The following SPIN1 variants were observed in gnomAD, a reference collection of about 807,000 sequenced individuals.
SPIN1 encodes spindlin-1.
In SPIN1, 3 loss-of-function variants were observed where a neutral mutation model predicts 26.0. The ratio of observed to expected loss-of-function variants is 0.12; its 90% CI spans 0.05 to 0.30. The LOEUF (loss-of-function observed/expected upper bound fraction) is 0.30. Among genes scored for constraint, SPIN1 ranks in the 10% least tolerant of loss-of-function variants. The probability of loss-of-function intolerance (pLI) is 1.00; values close to 1 mark genes in which losing one functional copy is unlikely to be tolerated. For missense variants in SPIN1, 126 were observed against 333.4 expected, an observed-to-expected ratio of 0.38 and a Z score of 4.84; for synonymous variants, 101 against 116.5, an observed-to-expected ratio of 0.87 and a Z score of 0.86.
At chr9:88,442,632 A>C (rs937418081) in intron 2 of SPIN1, among the ~76,000 whole-genome samples, 3 of 151,508 alleles carry the variant, frequency 2.0e-5, no homozygotes, top group African/African-American at 4.8e-5. Context: ...TGATCCACCC[A>C]CCTCGGCCTC....
At chr9:88,423,856 C>T (rs749210933) in intron 1 of SPIN1, among the ~76,000 whole-genome samples, 5 of 151,974 alleles carry the variant, frequency 3.3e-5, no homozygotes, top group Non-Finnish European at 7.4e-5. Flanking sequence ...ACCTCTGCCT[C>T]CTGGGTTCAA....
At position 88,475,349 on chromosome 9, in the gene SPIN1, C is replaced by A; in HGVS notation, c.*72C>A. Reference sequence around the variant, plus strand: ...ATTTGTAGACATAAAGACTTGATTGCTTTCCAGTTTAATGAAAGCTTAAAT... The same window carrying A: ...ATTTGTAGACATAAAGACTTGATTGATTTCCAGTTTAATGAAAGCTTAAAT... On this transcript the variant is annotated 3_prime_UTR_variant, in exon 6 of 6. Coordinates refer to ENST00000375859, the MANE Select transcript of SPIN1 (RefSeq NM_006717.3). 6.7e-7 allele frequency: 1 copy of A among 1,487,962 alleles called. No homozygotes were observed. The highest frequency in any genetic ancestry group is 9.2e-7 in the Non-Finnish European group (1 of 1,086,366). The allele number at this position is 1,487,962 out of a possible 1,614,324, so 92.2% of individuals were successfully genotyped here. A position where few individuals can be genotyped will look rare whatever the true frequency, so the allele number is the denominator to read the frequency against.
rs1828715766 is a variant in SPIN1 at position 88,468,490 on chromosome 9, T to G, written c.474T>G (p.Arg158=). 1.2e-6 allele frequency: 2 copies of G among 1,613,780 alleles called. No individual in the cohort carries two copies. Among genetic ancestry groups the G allele is most frequent in the Non-Finnish European group, 1.7e-6 (2 of 1,179,914 alleles). The part of the protein sequence containing the change: ...KDEWRGMVLA[R]APVMNTWFYI... The stretch of plus-strand genomic sequence containing the variant: ...AGTGGAGGGGAATGGTCTTAGCACG[T>G]GCACCTGTCATGAACACATGGTTTT... The change falls in exon 5 of 6, where the codon CGT becomes CGG. Residue 158 remains arginine, a synonymous_variant. Transcript: ENST00000375859.
At chr9:88,436,628 T>G (rs1828003156) in intron 2 of SPIN1, among the ~76,000 whole-genome samples, 1 of 152,202 alleles carries the variant, frequency 6.6e-6, no homozygotes. Flanking sequence ...GTGCTGATTT[T>G]TTATTGTCTC....
intron 3 of SPIN1, among the ~76,000 whole-genome samples, chr9:88,456,271 T>G (rs1012712569): frequency 3.3e-5 from 5 of 152,150 alleles, no homozygotes; most frequent in African/African-American, 1.2e-4. Context: ...ATTATCAAAA[T>G]TCTAAGTTTT....
chr9:88,407,947 C>T (rs1322673839), intron 1 of SPIN1, among the ~76,000 whole-genome samples: 1 of 151,568 alleles, frequency 6.6e-6, no homozygotes, highest in Non-Finnish European at 1.5e-5. Flanking sequence ...GGTTTTTGTA[C>T]AGACAGATAG....
At chr9:88,394,222 C>CA (rs1397557133) in intron 1 of SPIN1, among the ~76,000 whole-genome samples, 1 of 152,204 alleles carries the variant, frequency 6.6e-6, no homozygotes, top group Non-Finnish European at 1.5e-5. Context: ...GAGGTCCTTT[C>CA]AACCTGGTTC....
intron 1 of SPIN1, among the ~76,000 whole-genome samples, chr9:88,412,190 A>G (rs1001902441): frequency 2.6e-5 from 4 of 152,030 alleles, no homozygotes; most frequent in Admixed American, 6.6e-5. Flanking sequence ...AAAAAAAACA[A>G]AAACCTTTTG....
At position 88,444,327 on chromosome 9, in the gene SPIN1, G is replaced by A. The variant is rs561838043; in HGVS notation, c.53-4614G>A. On this transcript the variant is annotated intron_variant, in intron 2 of 5. Coordinates refer to ENST00000375859, the MANE Select transcript of SPIN1 (RefSeq NM_006717.3). The stretch of plus-strand genomic sequence containing the variant: ...GGGATCGCGGCTCACTGCAAGCTCC[G>A]CCTCCCGGGTTCCTGCCATTCTCCT... Among the ~76,000 whole-genome samples, 9 of 137,618 alleles carry A rather than the reference G, an allele frequency of 6.5e-5. No homozygotes were observed. In the East Asian group the frequency reaches 1.6e-3, roughly 25 times the overall value. The allele number at this position is 137,618 out of a possible 152,430, so 90.3% of individuals were successfully genotyped here. A position where few individuals can be genotyped will look rare whatever the true frequency, so the allele number is the denominator to read the frequency against.
chr9:88,388,757 C>T (rs1010687545), intron 1 of SPIN1, among the ~76,000 whole-genome samples: 5 of 149,470 alleles, frequency 3.3e-5, no homozygotes, highest in African/African-American at 1.2e-4. Context: ...GCGCGCGCTC[C>T]TTTGTTCGCC....
intron 1 of SPIN1, among the ~76,000 whole-genome samples, chr9:88,403,355 C>T (rs900247048): frequency 1.3e-5 from 2 of 152,084 alleles, no homozygotes. Context: ...TTCCTTAGTT[C>T]CGATACCTTT....
chr9:88,473,350 A>G (rs993680936), intron 5 of SPIN1, among the ~76,000 whole-genome samples: 1 of 142,888 alleles, frequency 7.0e-6, no homozygotes, highest in Non-Finnish European at 1.5e-5. Flanking sequence ...TCGAGATTGC[A>G]CCACTGCACT....
intron 4 of SPIN1, among the ~76,000 whole-genome samples, chr9:88,467,396 C>T (rs561567908): frequency 6.6e-6 from 1 of 152,180 alleles, no homozygotes; most frequent in South Asian, 2.1e-4. Flanking sequence ...AGTGGGATAA[C>T]TTTAGATCAT....
intron 2 of SPIN1, among the ~76,000 whole-genome samples, chr9:88,444,973 C>G (rs915843283): frequency 6.6e-6 from 1 of 152,138 alleles, no homozygotes; most frequent in African/African-American, 2.4e-5. Context: ...GGATTACAGG[C>G]GTGAGCCACG....
chr9:88,456,053 A>C (rs1260691052), intron 3 of SPIN1, among the ~76,000 whole-genome samples: 1 of 152,136 alleles, frequency 6.6e-6, no homozygotes, highest in Non-Finnish European at 1.5e-5. Context: ...CATTTTCTTT[A>C]GTTTCCCGTG....
intron 2 of SPIN1, among the ~76,000 whole-genome samples, chr9:88,447,232 T>C (rs1828269890): frequency 6.6e-6 from 1 of 152,234 alleles, no homozygotes; most frequent in Admixed American, 6.5e-5. Flanking sequence ...ATTTCATTTT[T>C]CTTTATATTT....
intron 2 of SPIN1, among the ~76,000 whole-genome samples, chr9:88,443,652 T>G (rs1457281365): frequency 6.6e-6 from 1 of 152,228 alleles, no homozygotes; most frequent in East Asian, 1.9e-4. Context: ...AGATGATGTC[T>G]GGGTAACAGG....
At chr9:88,470,744 G>T (rs1432102615) in intron 5 of SPIN1, among the ~76,000 whole-genome samples, 1 of 152,060 alleles carries the variant, frequency 6.6e-6, no homozygotes, top group Non-Finnish European at 1.5e-5. Flanking sequence ...ATAGGCGCGT[G>T]CCACCATGTC....
rs976489827 is a variant in SPIN1, at chr9:88,448,850, G to C, written c.53-91G>C. On this transcript the variant is annotated intron_variant, in intron 2 of 5. Transcript: ENST00000375859. ...GTGGTGTATTTTCTTTTCATATTCT[G>C]TATAGCAGTTTTTCAGAAGTTAAGA... 10 of 1,184,526 alleles carry C rather than the reference G, an allele frequency of 8.4e-6. No homozygotes were observed. In the South Asian group the frequency reaches 1.3e-4, roughly 15 times the overall value. The allele number at this position is 1,184,526 out of a possible 1,614,324, so 73.4% of individuals were successfully genotyped here.
Sources: allele counts gnomAD v4.1 joint callset (sites outside exome capture counted in the v4.1 genomes callset), GRCh38; gene constraint gnomAD v4.1.1; transcripts MANE v1.5; gene names NCBI Gene and HGNC (gene_info 2026-07-23, HGNC 2026-07-21).